Variants in USP34 observed in about 807,000 individuals in gnomAD.
USP34 encodes the protein ubiquitin specific peptidase 34.
In USP34, 70 loss-of-function variants were observed where a neutral mutation model predicts 460.3. That is an observed-to-expected ratio of 0.15 (90% CI 0.13 to 0.19). The LOEUF (loss-of-function observed/expected upper bound fraction) is 0.19, where lower values mean the gene tolerates loss of function less well. USP34 is among the 10% of genes least tolerant of loss of function. USP34 has a pLI of 1.00. For synonymous variants in USP34, 1,647 were observed against 1,405.3 expected, an observed-to-expected ratio of 1.17 and a Z score of -3.85; for missense variants, 3,985 against 4,236.2, an observed-to-expected ratio of 0.94 and a Z score of 1.65.
chr2:61,417,158 G>C, intron 2 of USP34: 1 of 1,577,180 alleles, frequency 6.3e-7, no homozygotes, highest in Non-Finnish European at 8.6e-7. Flanking sequence ...ACAGTGCCCT[G>C]GGGCTTTCCA....
chr2:61,426,853 A>C (rs1308990736), intron 1 of USP34, among the ~76,000 whole-genome samples: 1 of 152,236 alleles, frequency 6.6e-6, no homozygotes, highest in Non-Finnish European at 1.5e-5. Context: ...TAGGTGGCTC[A>C]GGACAGCGAG....
At chr2:61,409,715 A>G (rs972633896) in intron 2 of USP34, among the ~76,000 whole-genome samples, 1 of 152,192 alleles carries the variant, frequency 6.6e-6, no homozygotes, top group Non-Finnish European at 1.5e-5. Flanking sequence ...CTCCATCTCA[A>G]AAAGTAAATA....
intron 58 of USP34, among the ~76,000 whole-genome samples, chr2:61,232,085 C>T (rs1329607882): frequency 6.6e-6 from 1 of 152,038 alleles, no homozygotes; most frequent in Non-Finnish European, 1.5e-5. Flanking sequence ...ACAGCCTTTT[C>T]ATTAGCTTTT....
intron 57 of USP34, among the ~76,000 whole-genome samples, chr2:61,233,659 T>TA (rs1026250286): frequency 1.3e-5 from 2 of 151,610 alleles, no homozygotes; most frequent in African/African-American, 2.4e-5. Flanking sequence ...TCTGTCTCTA[T>TA]AAAAAAAGAA....
intron 1 of USP34, among the ~76,000 whole-genome samples, chr2:61,440,885 T>C (rs1007087982): frequency 4.0e-5 from 6 of 150,136 alleles, no homozygotes; most frequent in South Asian, 2.2e-4. Flanking sequence ...CTCAGCACTA[T>C]GGGAGGCCGA....
At chr2:61,389,878 C>A (rs1204812808) in intron 5 of USP34, among the ~76,000 whole-genome samples, 1 of 152,032 alleles carries the variant, frequency 6.6e-6, no homozygotes, top group Non-Finnish European at 1.5e-5. Context: ...AAAAAAGTTC[C>A]TTGCTCCCTG....
intron 27 of USP34, among the ~76,000 whole-genome samples, chr2:61,304,141 G>A (rs953237413): frequency 1.3e-5 from 2 of 152,132 alleles, no homozygotes; most frequent in Non-Finnish European, 2.9e-5. Flanking sequence ...CAAATGATCC[G>A]CCTGCCTTGG....
intron 56 of USP34, 48 bp downstream of exon 56, chr2:61,235,978 C>A: frequency 6.3e-7 from 1 of 1,594,976 alleles, no homozygotes; most frequent in Non-Finnish European, 8.5e-7. Flanking sequence ...CAAAAGATAT[C>A]TGATAAAAAC....
At chr2:61,406,650 TTCTC>T (rs35161447) in intron 2 of USP34, among the ~76,000 whole-genome samples, 1 of 150,152 alleles carries the variant, frequency 6.7e-6, no homozygotes, top group South Asian at 2.1e-4. Context: ...CACTCTCTCT[TTCTC>T]TCTCTCTCTC....
rs35610519 is a variant in USP34 at position 61,445,534 on chromosome 2, C to CAA, written c.44-24703_44-24702dup. On this transcript the variant is annotated intron_variant, in intron 1 of 79. Coordinates refer to ENST00000398571, the MANE Select transcript of USP34 (RefSeq NM_014709.4). Reference sequence around the variant, plus strand: ...TGGGCAACAGATCGAGACTCCGTCTCAAAAAAAAAAAAAAAAAATTGCTAA... The same window carrying CAA: ...TGGGCAACAGATCGAGACTCCGTCTCAAAAAAAAAAAAAAAAAAAATTGCTAA... 1.5e-4 allele frequency among the ~76,000 whole-genome samples: 16 copies of CAA among 107,830 alleles called. 1 individual carries two copies. The South Asian group carries it at 1.5e-3, about 10-fold the overall frequency. The allele number at this position is 107,830 out of a possible 152,430, so 70.7% of individuals were successfully genotyped here.
At chr2:61,335,512 A>AAGT (rs1691390168) in intron 18 of USP34, among the ~76,000 whole-genome samples, 1 of 152,190 alleles carries the variant, frequency 6.6e-6, no homozygotes, top group South Asian at 2.1e-4. Flanking sequence ...ACACTTTGGG[A>AAGT]AGTCAAGGTG....
intron 43 of USP34, among the ~76,000 whole-genome samples, chr2:61,262,712 C>T (rs1289902531): frequency 1.3e-5 from 2 of 152,120 alleles, no homozygotes; most frequent in Non-Finnish European, 2.9e-5. Context: ...AATGGAATAG[C>T]TGAGCCGAAT....
At chr2:61,353,107 G>T (rs1398070385) in intron 10 of USP34, among the ~76,000 whole-genome samples, 2 of 152,184 alleles carry the variant, frequency 1.3e-5, no homozygotes, top group African/African-American at 4.8e-5. Flanking sequence ...CAGCTACGGA[G>T]ACAACAATAC....
chr2:61,350,664 G>C lies in USP34; in HGVS notation c.1281C>G (p.Asp427Glu). ...AATTCTTGATGAGTGAAGGAAATAA[G>C]TCATGTATATACCGACTACAATGTT... ...QLKHCSRYIH[D>E]LFPSLIKNLD... is the part of the protein sequence containing the mutation. Residue 427 changes from aspartate to glutamate, a missense_variant, in exon 11 of 80, where the codon GAC (aspartate) becomes GAG (glutamate). Physicochemically the swap from Asp to Glu is conservative, Grantham distance 45. Around this residue, in one of 14 missense-constraint regions of USP34, gnomAD observed 716 missense variants for 626.2 expected, o/e 1.14. Transcript: ENST00000398571. 2 of 1,613,046 alleles carry C rather than the reference G, an allele frequency of 1.2e-6. No individual in the cohort carries two copies. The highest frequency in any genetic ancestry group is 1.7e-6 in the Non-Finnish European group (2 of 1,179,716).
chr2:61,287,620 T>C (rs1412344135), intron 34 of USP34, among the ~76,000 whole-genome samples: 1 of 152,198 alleles, frequency 6.6e-6, no homozygotes. Context: ...TGATGACCCA[T>C]TTCCACTTGA....
chr2:61,420,296 T>C (rs959075450), intron 2 of USP34, among the ~76,000 whole-genome samples: 4 of 152,208 alleles, frequency 2.6e-5, no homozygotes, highest in Non-Finnish European at 5.9e-5. Flanking sequence ...CATGTTTTCC[T>C]AAAATTTTAT....
At chr2:61,361,247 C>T (rs146487780) in intron 10 of USP34, among the ~76,000 whole-genome samples, 2 of 152,188 alleles carry the variant, frequency 1.3e-5, no homozygotes, top group East Asian at 3.9e-4. Context: ...CCAGTCTCTA[C>T]AAAACAATTT....
chr2:61,280,181 A>C (rs911257242), intron 39 of USP34, 63 bp downstream of exon 39: 10 of 959,342 alleles, frequency 1.0e-5, no homozygotes, highest in Non-Finnish European at 1.5e-5. Flanking sequence ...TCATGAACAT[A>C]TGTCATAATT....
In USP34 at chr2:61,227,212, C is replaced by G; in HGVS notation, c.7450G>C (p.Val2484Leu). Residue 2484 changes from valine (V) to leucine (L), a missense_variant, in exon 62 of 80, where the codon GTT becomes CTT. Physicochemically the swap from Val to Leu is conservative, Grantham distance 32 (BLOSUM62 1). This residue lies in a region of USP34 where 604 missense variants were observed against 684.8 expected (regional missense o/e 0.88). Coordinates refer to ENST00000398571, the MANE Select transcript of USP34 (RefSeq NM_014709.4). Reference protein sequence around the residue: ...MGTKGPENPQVEVLSEEEGEE... With the variant: ...MGTKGPENPQLEVLSEEEGEE... ...CCTTCTTCCTCTGATAACACTTCAA[C>G]TTGAGGCTAAGTTGGAATAAAATTC... 6.2e-7 allele frequency: 1 copy of G among 1,610,652 alleles called. No homozygotes were observed. The highest frequency in any genetic ancestry group is 2.2e-5 in the East Asian group (1 of 44,780).
Sources: gnomAD v4.1 joint callset for allele counts (sites outside exome capture counted in the v4.1 genomes callset) on GRCh38, gnomAD v4.1.1 for gene constraint, gnomAD v4.1.1 regional missense constraint, MANE v1.5 for transcripts, NCBI Gene and HGNC (gene_info 2026-07-23, HGNC 2026-07-21) for gene names.